Variants in STK39 observed in about 807,000 individuals in gnomAD.
The protein encoded by STK39 is serine/threonine kinase 39, also known as STE20/SPS1-related proline-alanine-rich protein kinase.
Under a neutral mutation model 77.8 loss-of-function variants are expected in STK39, and 20 were observed. The ratio of observed to expected loss-of-function variants is 0.26; its 90% CI spans 0.18 to 0.37. The LOEUF is 0.37. Among genes scored for constraint, STK39 ranks in the 10% least tolerant of loss-of-function variants. The pLI is 1.00. For synonymous variants in STK39, 246 were observed against 234.1 expected (o/e 1.05, Z -0.47); for missense variants, 479 against 656.5 (o/e 0.73, Z 2.95).
At chr2:168,060,548 G>A (rs1250996606) in intron 14 of STK39, among the ~76,000 whole-genome samples, 2 of 152,210 alleles carry the variant, frequency 1.3e-5, no homozygotes, top group Non-Finnish European at 2.9e-5. Flanking sequence ...CAGCCGCCTA[G>A]TCTATGGTAT....
At chr2:168,214,560 T>G (rs570042574) in intron 1 of STK39, among the ~76,000 whole-genome samples, 1 of 152,316 alleles carries the variant, frequency 6.6e-6, no homozygotes, top group African/African-American at 2.4e-5. Flanking sequence ...GAGGTGATGG[T>G]TAAACAACGT....
In STK39 at chr2:168,138,194, G is replaced by T; in HGVS notation, c.868C>A (p.Pro290Thr). The change falls in exon 8 of 18, where the codon CCA becomes ACA. Residue 290 changes from proline (P) to threonine (T), a missense_variant. Around this residue, in one of 3 missense-constraint regions of STK39, gnomAD observed 139 missense variants for 280.6 expected, o/e 0.50. Transcript: ENST00000355999. ...KVLMLTLQND[P>T]PTLETGVEDK... ...TCTACCCCTGTTTCCAAAGTGGGTG[G>T]ATCATTTTGCAAAGTCAACATTAAC... is the stretch of plus-strand genomic sequence containing the variant. 6.2e-7 allele frequency: 1 copy of T among 1,613,176 alleles called. No individual in the cohort carries two copies. The highest frequency in any genetic ancestry group is 8.5e-7 in the Non-Finnish European group (1 of 1,179,578).
At chr2:168,109,434 T>C (rs577194837) in intron 10 of STK39, among the ~76,000 whole-genome samples, 1 of 152,356 alleles carries the variant, frequency 6.6e-6, no homozygotes, top group African/African-American at 2.4e-5. Flanking sequence ...CGCTGCTGTA[T>C]GATACTCTAA....
At chr2:167,969,315 T>C (rs1692257112) in intron 16 of STK39, among the ~76,000 whole-genome samples, 1 of 152,210 alleles carries the variant, frequency 6.6e-6, no homozygotes, top group South Asian at 2.1e-4. Context: ...ATAACCTAGA[T>C]TGAGAATTGG....
Position 168,063,316 on chromosome 2 carries a change from C to T in STK39, c.1376+184G>A, listed in dbSNP as rs190702641. Among the ~76,000 whole-genome samples the T allele has an allele frequency of 1.5e-3, 228 of 152,284 alleles. 2 individuals are homozygous for T. Among genetic ancestry groups the T allele is most frequent in the African/African-American group, 5.2e-3 (216 of 41,558 alleles). On this transcript the variant is annotated intron_variant, in intron 14 of 17. Coordinates refer to ENST00000355999, the MANE Select transcript of STK39 (RefSeq NM_013233.3). ...TCATATGGTGCTTTTCTTTCTTACT[C>T]TTCTTTAGCAAGCAATTAGAAGAGC...
chr2:168,230,351 T>C (rs1247427649), intron 1 of STK39, among the ~76,000 whole-genome samples: 1 of 152,112 alleles, frequency 6.6e-6, no homozygotes, highest in Middle Eastern at 3.2e-3. Flanking sequence ...ACTCCCACTA[T>C]CTTAGAACAC....
At chr2:168,012,895 T>A (rs779504858) in intron 15 of STK39, among the ~76,000 whole-genome samples, 193 bp from the exon 16 acceptor site, 4 of 152,262 alleles carry the variant, frequency 2.6e-5, no homozygotes, top group Non-Finnish European at 5.9e-5. Flanking sequence ...ATCTTGCTAT[T>A]TATTCAACAG....
At chr2:168,060,542 C>T (rs191532106) in intron 14 of STK39, among the ~76,000 whole-genome samples, 33 of 152,236 alleles carry the variant, frequency 2.2e-4, no homozygotes, top group African/African-American at 6.7e-4. Flanking sequence ...TTGTTTCAGC[C>T]GCCTAGTCTA....
chr2:168,236,836 G>A (rs1194857315), intron 1 of STK39, among the ~76,000 whole-genome samples: 2 of 152,250 alleles, frequency 1.3e-5, no homozygotes, highest in African/African-American at 4.8e-5. Context: ...GTACCATGCT[G>A]TTTTGGTTAC....
At chr2:168,177,807 C>A (rs536547213) in intron 2 of STK39, among the ~76,000 whole-genome samples, 1 of 152,310 alleles carries the variant, frequency 6.6e-6, no homozygotes, top group African/African-American at 2.4e-5. Context: ...GGGTCAGACC[C>A]ATTGGGCAAA....
chr2:168,209,943 G>C (rs1335975432), intron 1 of STK39, among the ~76,000 whole-genome samples: 1 of 149,198 alleles, frequency 6.7e-6, no homozygotes, highest in Non-Finnish European at 1.5e-5. Context: ...AGGTTGCAAT[G>C]AGCCAAGATC....
Position 168,227,899 on chromosome 2 carries a change from C to T in STK39, c.208+19329G>A, listed in dbSNP as rs191620761. Among the ~76,000 whole-genome samples, 9 of 152,186 alleles carry T rather than the reference C, an allele frequency of 5.9e-5. No homozygotes were observed. The East Asian group carries it at 1.2e-3, about 20-fold the overall frequency. The stretch of plus-strand genomic sequence containing the variant: ...GTCTTGATCTCCTGACCTAATGATC[C>T]GCCCTCCTCAGCCTCCCAAAGTGCT... On this transcript the variant is annotated intron_variant, in intron 1 of 17. Transcript: ENST00000355999.
chr2:168,122,650 T>C (rs1349373539), intron 10 of STK39, among the ~76,000 whole-genome samples: 1 of 152,034 alleles, frequency 6.6e-6, no homozygotes, highest in Non-Finnish European at 1.5e-5. Context: ...TTGCACAGGC[T>C]GGTGTTAAAC....
chr2:168,179,624 C>T (rs934759769), intron 2 of STK39, among the ~76,000 whole-genome samples: 1 of 152,094 alleles, frequency 6.6e-6, no homozygotes, highest in African/African-American at 2.4e-5. Flanking sequence ...TAAATTAACT[C>T]CTCATAAGCA....
chr2:168,198,488 C>T (rs1272702465), intron 1 of STK39, among the ~76,000 whole-genome samples: 1 of 152,176 alleles, frequency 6.6e-6, no homozygotes, highest in African/African-American at 2.4e-5. Context: ...TATTTGGCAA[C>T]TCATTACATT....
intron 1 of STK39, among the ~76,000 whole-genome samples, chr2:168,240,245 C>T (rs1690725835): frequency 6.6e-6 from 1 of 152,106 alleles, no homozygotes; most frequent in Admixed American, 6.5e-5. Context: ...AGAGACAATT[C>T]CCAAAAGACC....
intron 5 of STK39, among the ~76,000 whole-genome samples, chr2:168,160,042 C>G (rs887290042): frequency 6.6e-6 from 1 of 152,138 alleles, no homozygotes; most frequent in Admixed American, 6.5e-5. Context: ...CTCGGGGATT[C>G]TTACTGGGAA....
At chr2:167,982,862 A>G (rs1395777677) in intron 16 of STK39, among the ~76,000 whole-genome samples, 5 of 152,202 alleles carry the variant, frequency 3.3e-5, no homozygotes, top group African/African-American at 1.2e-4. Context: ...CTTTCACTTT[A>G]TGTTACTCAC....
At chr2:168,073,235 C>T (rs1364750439) in intron 12 of STK39, among the ~76,000 whole-genome samples, 1 of 152,190 alleles carries the variant, frequency 6.6e-6, no homozygotes, top group African/African-American at 2.4e-5. Context: ...AGAGCAATTT[C>T]AACAAGCACA....
Sources: gnomAD v4.1 joint callset for allele counts (sites outside exome capture counted in the v4.1 genomes callset) on GRCh38, gnomAD v4.1.1 for gene constraint, gnomAD v4.1.1 regional missense constraint, MANE v1.5 for transcripts, NCBI Gene and HGNC (gene_info 2026-07-23, HGNC 2026-07-21) for gene names.